Variants in PPM1A observed in about 807,000 individuals in gnomAD.
PPM1A encodes protein phosphatase 1A.
PPM1A carries 7 observed loss-of-function variants against 35.0 expected under a neutral mutation model. The observed-to-expected ratio is 0.20, with a 90% CI of 0.11 to 0.38. PPM1A has a LOEUF of 0.38. Ranked by LOEUF, PPM1A falls within the 10% of genes least tolerant of loss-of-function variation. The pLI is 1.00. For synonymous variants in PPM1A, 153 were observed against 167.3 expected, an observed-to-expected ratio of 0.91 and a Z score of 0.66; for missense variants, 239 against 467.8, an observed-to-expected ratio of 0.51 and a Z score of 4.51.
chr14:60,249,084 C>A (rs542779506), upstream of PPM1A, among the ~76,000 whole-genome samples: 11 of 152,132 alleles, frequency 7.2e-5, no homozygotes, highest in East Asian at 2.1e-3. This position sits in a 1 kb window ranked among gnomAD's most constrained non-coding sequence, Gnocchi z 4.5. Flanking sequence ...ACCGCAGTTC[C>A]TGCCCAACGA....
At chr14:60,285,948 A>G in intron 3 of PPM1A, 2 of 1,263,238 alleles carry the variant, frequency 1.6e-6, no homozygotes, top group Non-Finnish European at 1.0e-6. Context: ...ACTAGTGTGG[A>G]AAGTAACCCA....
chr14:60,253,130 AG>A (rs1423916990), intron 1 of PPM1A, among the ~76,000 whole-genome samples: 1 of 152,154 alleles, frequency 6.6e-6, no homozygotes, highest in African/African-American at 2.4e-5. Context: ...TATGTGATAA[AG>A]GGGGGATCTT....
rs1338811733 is a variant in PPM1A, at chr14:60,273,039, T to C, written c.-20-9645T>C. Among the ~76,000 whole-genome samples, 1 of 152,204 alleles carries C rather than the reference T, an allele frequency of 6.6e-6. No homozygotes were observed. Among genetic ancestry groups the C allele is most frequent in the African/African-American group, 2.4e-5 (1 of 41,448 alleles). On this transcript the variant is annotated intron_variant, in intron 1 of 5. Transcript: ENST00000395076. The surrounding 1 kb of genome is among the most constrained non-coding windows in gnomAD (Gnocchi z 4.3). ...TTGTTAATTTTGAAAAGGCTTCAACTGAGGAACACTTTCTTCTCATTTCTT... is the reference window on the plus strand; with the variant it reads ...TTGTTAATTTTGAAAAGGCTTCAACCGAGGAACACTTTCTTCTCATTTCTT...
rs1391624789 is a variant in PPM1A at position 60,286,117 on chromosome 14, T to G, written c.952+376T>G. Reference sequence around the variant, plus strand: ...TGTGATGGTGATAATTTGAATACCATCTTTCTATGAAAAGCTGTGTATATT... The same window carrying G: ...TGTGATGGTGATAATTTGAATACCAGCTTTCTATGAAAAGCTGTGTATATT... On this transcript the variant is annotated intron_variant, in intron 3 of 5. Coordinates refer to ENST00000395076, the MANE Select transcript of PPM1A (RefSeq NM_021003.5). 5.1e-6 allele frequency: 5 copies of G among 988,226 alleles called. No homozygotes were observed. In the African/African-American group the frequency reaches 8.7e-5, roughly 17 times the overall value. The allele number at this position is 988,226 out of a possible 1,614,324, so 61.2% of individuals were successfully genotyped here.
chr14:60,248,877 C>T (rs1293656889), upstream of PPM1A: 1 of 152,380 alleles, frequency 6.6e-6, no homozygotes, highest in African/African-American at 2.4e-5. Context: ...AATAGCCGCA[C>T]ATTCTGTCCA....
intron 1 of PPM1A, among the ~76,000 whole-genome samples, chr14:60,257,613 A>G (rs758646451): frequency 6.6e-6 from 1 of 152,188 alleles, no homozygotes; most frequent in East Asian, 1.9e-4. Context: ...AGAATTGTCT[A>G]TTGTACTGTT....
intron 1 of PPM1A, chr14:60,256,951 C>G (rs958825256): frequency 6.6e-6 from 1 of 152,066 alleles, no homozygotes; most frequent in Admixed American, 6.6e-5. Context: ...GAGAGTGAAT[C>G]TTGTGATTGA....
At position 60,292,733 on chromosome 14, in the gene PPM1A, A is replaced by G. The variant is rs1887768335; in HGVS notation, c.*251A>G. The G allele has an allele frequency of 2.7e-6, 1 of 371,608 alleles. No homozygotes were observed. 23.0% of individuals were successfully genotyped at this position (371,608 alleles called of 1,614,324 possible). ...TCGTGTTGTAAATCAGACTCCAGCA[A>G]TTTTTGTTGTATGATTTTGTTTTTT... On this transcript the variant is annotated 3_prime_UTR_variant, in exon 6 of 6. Coordinates refer to ENST00000395076, the MANE Select transcript of PPM1A (RefSeq NM_021003.5). The surrounding 1 kb of genome is among the most constrained non-coding windows in gnomAD (Gnocchi z 4.2).
intron 1 of PPM1A, among the ~76,000 whole-genome samples, chr14:60,281,409 C>G (rs1222040430): frequency 3.3e-5 from 5 of 152,286 alleles, no homozygotes; most frequent in Admixed American, 3.3e-4. Flanking sequence ...GTTTTTCTTT[C>G]CTTCCTAGGA....
chr14:60,249,710 G>C lies in PPM1A; in HGVS notation c.-21+33G>C. On this transcript the variant is annotated intron_variant, in intron 1 of 5. Transcript: ENST00000395076. This position sits in a 1 kb window ranked among gnomAD's most constrained non-coding sequence, Gnocchi z 4.5. ...CGGCGCTCGGGCCGACGGCGGGCTGGCGGGCGGTGCGGGCCTGCGCGGCGG... is the reference window on the plus strand; with the variant it reads ...CGGCGCTCGGGCCGACGGCGGGCTGCCGGGCGGTGCGGGCCTGCGCGGCGG... The C allele has an allele frequency of 1.0e-6, 1 of 982,084 alleles. No homozygotes were observed. The highest frequency in any genetic ancestry group is 1.2e-6 in the Non-Finnish European group (1 of 827,970). The allele number at this position is 982,084 out of a possible 1,614,324, so 60.8% of individuals were successfully genotyped here. A position where few individuals can be genotyped will look rare whatever the true frequency, so the allele number is the denominator to read the frequency against.
At chr14:60,250,220 A>G (rs1001408376) in intron 1 of PPM1A, among the ~76,000 whole-genome samples, 1 of 152,220 alleles carries the variant, frequency 6.6e-6, no homozygotes, top group Non-Finnish European at 1.5e-5. Context: ...ACTCCTTCAG[A>G]ACTCAAGTCA....
At chr14:60,285,416 T>A (rs1886891263) in intron 2 of PPM1A, among the ~76,000 whole-genome samples, 1 of 152,230 alleles carries the variant, frequency 6.6e-6, no homozygotes, top group Non-Finnish European at 1.5e-5. Context: ...GAGTATTGGT[T>A]ATACTGTATT....
At chr14:60,286,966 A>G (rs1887084220) in intron 3 of PPM1A, 6 of 885,550 alleles carry the variant, frequency 6.8e-6, no homozygotes, top group African/African-American at 1.8e-5. Flanking sequence ...ACAATTTTAA[A>G]ATATTTAGAA....
At chr14:60,267,289 GAAGT>G (rs964619921) in intron 1 of PPM1A, 1 of 152,032 alleles carries the variant, frequency 6.6e-6, no homozygotes, top group Non-Finnish European at 1.5e-5. Context: ...TCTTTGGCTT[GAAGT>G]AAGTATTATA....
chr14:60,287,919 A>G (rs903314823), intron 3 of PPM1A: 2 of 985,242 alleles, frequency 2.0e-6, no homozygotes, highest in African/African-American at 1.7e-5. Flanking sequence ...GGGAGTGGAA[A>G]GGAGCAGAAT....
intron 1 of PPM1A, among the ~76,000 whole-genome samples, chr14:60,265,662 G>A (rs774067191): frequency 3.9e-5 from 6 of 152,140 alleles, no homozygotes; most frequent in Non-Finnish European, 8.8e-5. Flanking sequence ...ATTAATAATA[G>A]AAGTTTATAT....
intron 1 of PPM1A, among the ~76,000 whole-genome samples, chr14:60,261,467 G>C (rs1360640445): frequency 2.6e-5 from 4 of 152,114 alleles, no homozygotes; most frequent in Non-Finnish European, 5.9e-5. Context: ...GTATCCTTAA[G>C]ATATTTTCTT....
intron 3 of PPM1A, chr14:60,286,396 CAG>C: frequency 1.0e-6 from 1 of 985,450 alleles, no homozygotes; most frequent in Non-Finnish European, 1.2e-6. Context: ...CATAATTCTG[CAG>C]AGACTTCCAG....
rs551727013 is a variant in PPM1A at position 60,274,658 on chromosome 14, G to GA, written c.-20-8024dup. Reference sequence around the variant, plus strand: ...AAAGTAGGAGGGGAGGGTTATGAAAGAATTCATTGAAATGGTTCACTCATT... The same window carrying GA: ...AAAGTAGGAGGGGAGGGTTATGAAAGAAATTCATTGAAATGGTTCACTCATT... On this transcript the variant is annotated intron_variant, in intron 1 of 5. Coordinates refer to ENST00000395076, the MANE Select transcript of PPM1A (RefSeq NM_021003.5). Among the ~76,000 whole-genome samples the GA allele has an allele frequency of 1.8e-3, 264 of 150,200 alleles. 26 individuals carry two copies. The highest frequency in any genetic ancestry group is 6.4e-3 in the African/African-American group (257 of 40,358).
Sources: allele counts gnomAD v4.1 joint callset (sites outside exome capture counted in the v4.1 genomes callset), GRCh38; gene constraint gnomAD v4.1.1; non-coding constraint Gnocchi (gnomAD v3.1); transcripts MANE v1.5; gene names NCBI Gene and HGNC (gene_info 2026-07-23, HGNC 2026-07-21).